SLC1A2: variants seen among roughly 807,000 people sequenced by gnomAD.
SLC1A2 encodes the protein solute carrier family 1 member 2, also known as excitatory amino acid transporter 2.
A neutral mutation model predicts 48.8 loss-of-function variants in SLC1A2; 15 were observed. The ratio of observed to expected loss-of-function variants is 0.31; its 90% CI spans 0.21 to 0.47. The LOEUF (loss-of-function observed/expected upper bound fraction) is 0.47, where lower values mean the gene tolerates loss of function less well. SLC1A2 is among the 20% of genes least tolerant of loss of function. The probability of loss-of-function intolerance (pLI) is 0.99; values close to 1 mark genes in which losing one functional copy is unlikely to be tolerated. For missense variants in SLC1A2, 502 were observed against 730.5 expected, an observed-to-expected ratio of 0.69 and a Z score of 3.61; for synonymous variants, 279 against 272.6, an observed-to-expected ratio of 1.02 and a Z score of -0.23.
chr11:35,274,546 GTCA>G (rs1850380197), intron 9 of SLC1A2, among the ~76,000 whole-genome samples: 1 of 152,088 alleles, frequency 6.6e-6, no homozygotes, highest in Admixed American at 6.5e-5. Context: ...TGAGTGGAGG[GTCA>G]GTTAGTTAAG....
chr11:35,359,781 A>G (rs752350278), intron 1 of SLC1A2, among the ~76,000 whole-genome samples: 1 of 152,232 alleles, frequency 6.6e-6, no homozygotes, highest in Admixed American at 6.5e-5. Context: ...TGAAAATCAG[A>G]TTATATTTCC....
chr11:35,378,589 A>T lies in SLC1A2; in HGVS notation c.17+40361T>A, dbSNP rs114901850. ...AGAACCACCTAGTATAAGATTAAGA[A>T]CCTTTCCAATGCATTGGAGACAAGA... is the stretch of plus-strand genomic sequence containing the variant. On this transcript the variant is annotated intron_variant, in intron 1 of 10. Coordinates refer to ENST00000278379, the MANE Select transcript of SLC1A2 (RefSeq NM_004171.4). Among the ~76,000 whole-genome samples, 1,124 of 152,282 alleles carry T rather than the reference A, an allele frequency of 7.4e-3. 19 individuals carry two copies. Among genetic ancestry groups the T allele is most frequent in the African/African-American group, 0.026 (1,073 of 41,550 alleles).
At chr11:35,420,330 C>T (rs1291798177), upstream of SLC1A2, among the ~76,000 whole-genome samples, 1 of 151,958 alleles carries the variant, frequency 6.6e-6, no homozygotes, top group Non-Finnish European at 1.5e-5. Context: ...TCGAGCCTTC[C>T]GGACGCCTTT....
intron 10 of SLC1A2, among the ~76,000 whole-genome samples, chr11:35,264,590 CCAA>C (rs1369112766): frequency 6.6e-6 from 1 of 152,190 alleles, no homozygotes; most frequent in African/African-American, 2.4e-5. Flanking sequence ...GAATTAGCAC[CCAA>C]CAGCTTGGAG....
intron 1 of SLC1A2, among the ~76,000 whole-genome samples, chr11:35,350,375 C>A (rs568935600): frequency 6.6e-6 from 1 of 152,276 alleles, no homozygotes; most frequent in South Asian, 2.1e-4. Flanking sequence ...ATATTAAGTC[C>A]AGCATGGAGC....
intron 7 of SLC1A2, among the ~76,000 whole-genome samples, chr11:35,287,293 A>AT (rs1850855027): frequency 6.6e-6 from 1 of 152,070 alleles, no homozygotes; most frequent in Non-Finnish European, 1.5e-5. Flanking sequence ...TTGCAAAAAA[A>AT]AAAAAACAAA....
At chr11:35,401,907 C>T (rs1344812811) in intron 1 of SLC1A2, among the ~76,000 whole-genome samples, 2 of 152,162 alleles carry the variant, frequency 1.3e-5, no homozygotes, top group African/African-American at 4.8e-5. Flanking sequence ...CTCTATGATG[C>T]TCCTGCCTAG....
intron 7 of SLC1A2, among the ~76,000 whole-genome samples, chr11:35,291,092 C>T (rs577508107): frequency 6.6e-6 from 1 of 152,310 alleles, no homozygotes; most frequent in Non-Finnish European, 1.5e-5. Flanking sequence ...CAACAAGGAC[C>T]TGAATGATGA....
chr11:35,310,785 C>A (rs1426492717), intron 4 of SLC1A2, among the ~76,000 whole-genome samples: 1 of 152,052 alleles, frequency 6.6e-6, no homozygotes, highest in East Asian at 1.9e-4. Flanking sequence ...GTGAATGGGG[C>A]CTACTCAGCT....
At chr11:35,349,143 G>T (rs555153858) in intron 1 of SLC1A2, among the ~76,000 whole-genome samples, 1 of 152,256 alleles carries the variant, frequency 6.6e-6, no homozygotes, top group East Asian at 1.9e-4. Context: ...GAACAAGACT[G>T]GAGGCAGGGA....
intron 1 of SLC1A2, among the ~76,000 whole-genome samples, chr11:35,414,063 C>G (rs972313977): frequency 2.6e-5 from 4 of 152,166 alleles, no homozygotes; most frequent in African/African-American, 9.7e-5. Flanking sequence ...CCCTTCATTC[C>G]ATTTTCAAAG....
At chr11:35,337,976 A>G (rs1852694107) in intron 1 of SLC1A2, among the ~76,000 whole-genome samples, 1 of 152,248 alleles carries the variant, frequency 6.6e-6, no homozygotes, top group African/African-American at 2.4e-5. Flanking sequence ...AATAATAACA[A>G]TATAATAATA....
At chr11:35,408,544 A>G (rs772717227) in intron 1 of SLC1A2, among the ~76,000 whole-genome samples, 11 of 152,140 alleles carry the variant, frequency 7.2e-5, no homozygotes, top group Non-Finnish European at 1.6e-4. Context: ...CTCGCCATGA[A>G]TCGGAGGCCT....
chr11:35,299,556 T>C (rs1173007427), intron 6 of SLC1A2: 1 of 152,122 alleles, frequency 6.6e-6, no homozygotes, highest in Non-Finnish European at 1.5e-5. Context: ...CGTAAAACAA[T>C]GATCTGAACA....
chr11:35,364,577 T>C (rs1590232004), intron 1 of SLC1A2, among the ~76,000 whole-genome samples: 1 of 152,212 alleles, frequency 6.6e-6, no homozygotes, highest in South Asian at 2.1e-4. Context: ...AATTACTTGC[T>C]CAACAGTCTG....
At chr11:35,293,124 T>G (rs1247930365) in intron 6 of SLC1A2, among the ~76,000 whole-genome samples, 1 of 152,238 alleles carries the variant, frequency 6.6e-6, no homozygotes, top group African/African-American at 2.4e-5. Context: ...TACTTTCATT[T>G]TGTTTTAAGC....
intron 9 of SLC1A2, 95 bp downstream of exon 9, chr11:35,280,772 G>A (rs1850604326): frequency 4.1e-6 from 3 of 738,114 alleles, no homozygotes; most frequent in Non-Finnish European, 6.6e-6. Context: ...GTTGCCATGG[G>A]GATTAGCTAA....
chr11:35,308,561 G>A (rs776896206), intron 4 of SLC1A2, among the ~76,000 whole-genome samples: 7 of 152,154 alleles, frequency 4.6e-5, no homozygotes, highest in Non-Finnish European at 8.8e-5. Flanking sequence ...GAGCCTTCTT[G>A]CTGCATCATT....
At chr11:35,327,371 G>C (rs1852282321) in intron 1 of SLC1A2, among the ~76,000 whole-genome samples, 1 of 152,042 alleles carries the variant, frequency 6.6e-6, no homozygotes, top group Non-Finnish European at 1.5e-5. Flanking sequence ...AAAAGAACAG[G>C]TACTAATTTT....
Sources: gnomAD v4.1 joint callset for allele counts (sites outside exome capture counted in the v4.1 genomes callset) on GRCh38, gnomAD v4.1.1 for gene constraint, MANE v1.5 for transcripts, NCBI Gene and HGNC (gene_info 2026-07-23, HGNC 2026-07-21) for gene names.